Variants in POLR1B observed in about 807,000 individuals in gnomAD.
POLR1B encodes the protein DNA-directed RNA polymerase I subunit RPA2.
POLR1B carries 30 observed loss-of-function variants against 105.8 expected under a neutral mutation model. The observed-to-expected ratio is 0.28, with a 90% CI of 0.21 to 0.38. POLR1B has a LOEUF of 0.38. Ranked by LOEUF, POLR1B falls within the 10% of genes least tolerant of loss-of-function variation. The pLI, the probability that POLR1B is intolerant of heterozygous loss-of-function variation, is 1.00. For synonymous variants in POLR1B, 485 were observed against 505.1 expected, an observed-to-expected ratio of 0.96 and a Z score of 0.53; for missense variants, 976 against 1,435.8, an observed-to-expected ratio of 0.68 and a Z score of 5.17.
chr2:112,545,898 G>C, intron 1 of POLR1B: 1 of 255,026 alleles, frequency 3.9e-6, no homozygotes. Flanking sequence ...CTCCTCTCTC[G>C]GTCTCCCAAA....
intron 12 of POLR1B, among the ~76,000 whole-genome samples, chr2:112,571,203 C>G (rs1684570772): frequency 6.6e-6 from 1 of 152,090 alleles, no homozygotes; most frequent in Non-Finnish European, 1.5e-5. Context: ...AAATCATTAT[C>G]TGCAGATTCC....
intron 1 of POLR1B, among the ~76,000 whole-genome samples, chr2:112,544,561 G>A (rs1682934796): frequency 1.3e-5 from 2 of 152,174 alleles, no homozygotes; most frequent in South Asian, 4.1e-4. Flanking sequence ...TTAATGAAAA[G>A]ACAGCTGGAT....
Position 112,575,807 on chromosome 2 carries a change from A to G in POLR1B, c.*78A>G. 1 of 1,450,042 alleles carries G rather than the reference A, an allele frequency of 6.9e-7. No homozygotes were observed. The highest frequency in any genetic ancestry group is 9.3e-7 in the Non-Finnish European group (1 of 1,074,406). 89.8% of individuals were successfully genotyped at this position (1,450,042 alleles called of 1,614,324 possible). On this transcript the variant is annotated 3_prime_UTR_variant, in exon 15 of 15. Coordinates refer to ENST00000263331, the MANE Select transcript of POLR1B (RefSeq NM_019014.6). The surrounding 1 kb of genome is among the most constrained non-coding windows in gnomAD (Gnocchi z 5.3). ...ATTTTAATTCAATGAAGATATCATTACCAGGTTACTCTTGAGATTTTTCAA... is the reference window on the plus strand; with the variant it reads ...ATTTTAATTCAATGAAGATATCATTGCCAGGTTACTCTTGAGATTTTTCAA...
upstream of POLR1B, chr2:112,542,157 A>C: frequency 6.5e-7 from 1 of 1,535,672 alleles, no homozygotes; most frequent in East Asian, 2.4e-5. Context: ...AGCCAATGAG[A>C]GCCAAAGAGG....
At position 112,575,233 on chromosome 2, in the gene POLR1B, A is replaced by G; in HGVS notation, c.2912A>G (p.Tyr971Cys). Residue 971 changes from tyrosine (Y) to cysteine (C), a missense_variant, in exon 15 of 15, where the codon TAC (tyrosine) becomes TGC (cysteine). Transcript: ENST00000263331. The surrounding 1 kb of genome is among the most constrained non-coding windows in gnomAD (Gnocchi z 5.3). Reference protein sequence around the residue: ...YFGEMLKAAGYNFYGTERLYS... With the variant: ...YFGEMLKAAGCNFYGTERLYS... Reference sequence around the variant, plus strand: ...GGTGAGATGTTAAAGGCTGCTGGCTACAATTTCTATGGCACCGAGAGGTTA... The same window carrying G: ...GGTGAGATGTTAAAGGCTGCTGGCTGCAATTTCTATGGCACCGAGAGGTTA... 1 of 1,614,210 alleles carries G rather than the reference A, an allele frequency of 6.2e-7. No homozygotes were observed. Among genetic ancestry groups the G allele is most frequent in the Non-Finnish European group, 8.5e-7 (1 of 1,180,048 alleles).
upstream of POLR1B, chr2:112,542,106 A>C (rs564423067): frequency 4.7e-5 from 72 of 1,535,648 alleles, no homozygotes; most frequent in East Asian, 2.0e-4. Flanking sequence ...GAAACAGAAG[A>C]GAGCCTGAGA....
Position 112,568,119 on chromosome 2 carries a change from A to C in POLR1B, c.1899A>C (p.Leu633=), listed in dbSNP as rs1467234232. 6.2e-7 allele frequency: 1 copy of C among 1,613,926 alleles called. No individual in the cohort carries two copies. The highest frequency in any genetic ancestry group is 8.5e-7 in the Non-Finnish European group (1 of 1,179,832). The change falls in exon 11 of 15, where the codon CTA becomes CTC. Residue 633 remains leucine, a synonymous_variant. Transcript: ENST00000263331. ...VQNLALGKEE[L]IGTMEQIFMN... The stretch of plus-strand genomic sequence containing the variant: ...ACTTAGCATTGGGCAAAGAAGAGCT[A>C]ATTGGAACTATGGAACAGGTAAATA...
intron 1 of POLR1B, among the ~76,000 whole-genome samples, chr2:112,546,544 CTTTTTTTTTTTTTTTTTTTTTTTTTTT>C (rs869087985): frequency 5.6e-5 from 3 of 53,188 alleles, no homozygotes; most frequent in African/African-American, 1.6e-4. Context: ...CTGGAGGTAG[CTTTTTTTTTTTTTTTTTTTTTTTTTTT>C]TTTTTTTTGA....
At chr2:112,555,587 G>A (rs1236300533) in intron 7 of POLR1B, among the ~76,000 whole-genome samples, 1 of 152,162 alleles carries the variant, frequency 6.6e-6, no homozygotes, top group African/African-American at 2.4e-5. Context: ...AGGCGGCGGA[G>A]GATGCAGTGT....
intron 1 of POLR1B, among the ~76,000 whole-genome samples, chr2:112,543,411 G>C (rs983430896): frequency 7.2e-5 from 11 of 152,178 alleles, no homozygotes; most frequent in African/African-American, 2.7e-4. Context: ...CAATGTTCTT[G>C]AGAACTGCTC....
chr2:112,547,101 A>C lies in POLR1B; in HGVS notation c.267A>C (p.Lys89Asn), dbSNP rs756354705. The change falls in exon 2 of 15, where the codon AAA becomes AAC. Residue 89 changes from lysine to asparagine, a missense_variant. Physicochemically the swap from Lys to Asn is moderately conservative, Grantham distance 94. Coordinates refer to ENST00000263331, the MANE Select transcript of POLR1B (RefSeq NM_019014.6). ...TTATCAGTCCACCTACAGTTCCAAA[A>C]GGGACCATCTGCAAAGAGGCCAATG... Reference protein sequence around the residue: ...DAVISPPTVPKGTICKEANVY... With the variant: ...DAVISPPTVPNGTICKEANVY... 5 of 1,614,210 alleles carry C rather than the reference A, an allele frequency of 3.1e-6. No individual in the cohort carries two copies. The highest frequency in any genetic ancestry group is 3.4e-6 in the Non-Finnish European group (4 of 1,180,036).
At chr2:112,562,449 C>T (rs1357639311) in intron 9 of POLR1B, among the ~76,000 whole-genome samples, 4 of 152,066 alleles carry the variant, frequency 2.6e-5, no homozygotes, top group African/African-American at 9.7e-5. Flanking sequence ...CAGGCTTACC[C>T]CGGAGATATT....
intron 9 of POLR1B, among the ~76,000 whole-genome samples, chr2:112,562,887 G>A (rs529430658): frequency 4.0e-5 from 6 of 151,068 alleles, no homozygotes; most frequent in African/African-American, 1.2e-4. Flanking sequence ...CATCATGCCC[G>A]GATAATTTTT....
chr2:112,552,935 C>A (rs1683450921), intron 7 of POLR1B, 119 bp downstream of exon 7: 8 of 976,850 alleles, frequency 8.2e-6, no homozygotes, highest in Non-Finnish European at 1.1e-5. Flanking sequence ...TTTGTGTGGT[C>A]TCTTTTTTGT....
chr2:112,567,165 A>C (rs1490577487), intron 10 of POLR1B, among the ~76,000 whole-genome samples: 6 of 152,058 alleles, frequency 3.9e-5, no homozygotes, highest in African/African-American at 1.4e-4. Context: ...CCAGAAACTT[A>C]ATTTTGTTGC....
upstream of POLR1B, chr2:112,542,399 G>A (rs760954447): frequency 6.3e-5 from 101 of 1,611,150 alleles, 1 homozygote; most frequent in Admixed American, 1.6e-3. Context: ...CCAGCAGGCT[G>A]CGGAAACGGG....
chr2:112,549,169 A>C (rs575772261), intron 3 of POLR1B, 98 bp from the exon 4 acceptor site: 6 of 1,336,316 alleles, frequency 4.5e-6, no homozygotes, highest in Non-Finnish European at 6.4e-6. Context: ...CTGTGTTCCT[A>C]TTCTGTGTGT....
chr2:112,557,966 G>A lies in POLR1B; in HGVS notation c.1215G>A (p.Gln405=). 1 of 1,416,014 alleles carries A rather than the reference G, an allele frequency of 7.1e-7. No homozygotes were observed. Among genetic ancestry groups the A allele is most frequent in the African/African-American group, 1.5e-5 (1 of 68,610 alleles). The allele number at this position is 1,416,014 out of a possible 1,614,324, so 87.7% of individuals were successfully genotyped here. ...SIKIAFDKKA[Q]KTSVSMNTDN... ...AAATAGCTTTTGATAAGAAGGCTCA[G>A]AAGACCAGTGTTTCCATGAACACTG... The change falls in exon 8 of 15, where the codon CAG becomes CAA. Residue 405 remains glutamine (Q), a synonymous_variant. Transcript: ENST00000263331.
Position 112,568,777 on chromosome 2 carries a change from A to C in POLR1B, c.1949A>C (p.Glu650Ala). Reference protein sequence around the residue: ...IFMNVAIFEDEVFAGVTTHQE... With the variant: ...IFMNVAIFEDAVFAGVTTHQE... ...ATGAATGTCGCTATCTTTGAGGATG[A>C]AGTTTTTGCTGGAGTTACCACACAC... The change falls in exon 12 of 15, where the codon GAA (glutamate) becomes GCA (alanine). Residue 650 changes from glutamate (E) to alanine (A), a missense_variant. Transcript: ENST00000263331. The C allele has an allele frequency of 6.2e-7, 1 of 1,614,052 alleles. No homozygotes were observed. The highest frequency in any genetic ancestry group is 8.5e-7 in the Non-Finnish European group (1 of 1,179,976).
Sources: gnomAD v4.1 joint callset for allele counts (sites outside exome capture counted in the v4.1 genomes callset) on GRCh38, gnomAD v4.1.1 for gene constraint, Gnocchi (gnomAD v3.1) non-coding constraint, MANE v1.5 for transcripts, NCBI Gene and HGNC (gene_info 2026-07-23, HGNC 2026-07-21) for gene names.